The following LCMT1 variants were observed in gnomAD, a reference collection of about 807,000 sequenced individuals.
The protein encoded by LCMT1 is leucine carboxyl methyltransferase 1, also known as [Phosphatase 2A protein]-leucine-carboxy methyltransferase 1.
In LCMT1, 32 loss-of-function variants were observed where a neutral mutation model predicts 47.7. That is an observed-to-expected ratio of 0.67 (90% CI 0.51 to 0.90). LCMT1 has a LOEUF of 0.90. Among genes scored for constraint, LCMT1 ranks in the 40% least tolerant of loss-of-function variants. LCMT1 has a pLI of 0.00. For missense variants in LCMT1, 375 were observed against 415.2 expected, an observed-to-expected ratio of 0.90 and a Z score of 0.84; for synonymous variants, 152 against 149.7, an observed-to-expected ratio of 1.02 and a Z score of -0.11.
At chr16:25,169,423 A>C in intron 8 of LCMT1, 1 of 460,976 alleles carries the variant, frequency 2.2e-6, no homozygotes, top group Non-Finnish European at 3.9e-6. Flanking sequence ...TATTATTTTG[A>C]CTTTGTATTA....
At chr16:25,133,588 G>A (rs534797219) in intron 3 of LCMT1, among the ~76,000 whole-genome samples, 4 of 150,506 alleles carry the variant, frequency 2.7e-5, no homozygotes, top group Admixed American at 2.6e-4. Flanking sequence ...TAGTAGAGAC[G>A]GGGTTTCACC....
At chr16:25,120,630 A>G (rs907144462) in intron 1 of LCMT1, among the ~76,000 whole-genome samples, 20 of 151,062 alleles carry the variant, frequency 1.3e-4, no homozygotes, top group African/African-American at 4.6e-4. Flanking sequence ...GGGTTTCACC[A>G]TGTAGCCAGT....
At chr16:25,131,033 C>T (rs1333844048) in intron 2 of LCMT1, among the ~76,000 whole-genome samples, 1 of 152,200 alleles carries the variant, frequency 6.6e-6, no homozygotes, top group Admixed American at 6.5e-5. Flanking sequence ...CACTATTAGG[C>T]TCTGCAGATA....
Position 25,111,758 on chromosome 16 carries a change from A to C in LCMT1, c.-126A>C, listed in dbSNP as rs1036260975. 10 of 648,062 alleles carry C rather than the reference A, an allele frequency of 1.5e-5. No homozygotes were observed. The highest frequency in any genetic ancestry group is 2.5e-5 in the Non-Finnish European group (9 of 362,110). The allele number at this position is 648,062 out of a possible 1,614,324, so 40.1% of individuals were successfully genotyped here. A position where few individuals can be genotyped will look rare whatever the true frequency, so the allele number is the denominator to read the frequency against. ...GTGGGCGGCGTCACTGAGCCGCGCC[A>C]GCTGAGCCAGGTAGGGCCCTACCCT... On this transcript the variant is annotated 5_prime_UTR_variant, in exon 1 of 11. Coordinates refer to ENST00000399069, the MANE Select transcript of LCMT1 (RefSeq NM_016309.3).
At chr16:25,177,005 T>A (rs1597612007) in intron 10 of LCMT1, among the ~76,000 whole-genome samples, 1 of 151,534 alleles carries the variant, frequency 6.6e-6, no homozygotes, top group Non-Finnish European at 1.5e-5. Flanking sequence ...CATGGTGAAA[T>A]CCCGTCTCTA....
At chr16:25,156,469 AAG>A (rs1961259167) in intron 5 of LCMT1, among the ~76,000 whole-genome samples, 1 of 152,214 alleles carries the variant, frequency 6.6e-6, no homozygotes, top group African/African-American at 2.4e-5. Flanking sequence ...ATTAGGCAGA[AAG>A]AGAAAAGAAC....
At chr16:25,172,300 C>A (rs1021587922) in intron 9 of LCMT1, among the ~76,000 whole-genome samples, 2 of 143,918 alleles carry the variant, frequency 1.4e-5, no homozygotes, top group Admixed American at 1.4e-4. Context: ...AAGAGCGAAA[C>A]TCTGTCTCAA....
chr16:25,134,445 G>A (rs76245709), intron 3 of LCMT1, among the ~76,000 whole-genome samples: 9,200 of 152,268 alleles, frequency 0.06, 412 homozygotes, highest in Non-Finnish European at 0.096. Flanking sequence ...TGTCTTCCAG[G>A]ATCCTGCAGC....
At chr16:25,149,725 G>C (rs566986048) in intron 4 of LCMT1, among the ~76,000 whole-genome samples, 2 of 152,138 alleles carry the variant, frequency 1.3e-5, no homozygotes, top group South Asian at 4.1e-4. Context: ...ACCAGCCCAG[G>C]CAACATGGTG....
chr16:25,149,555 A>G (rs1414640271), intron 4 of LCMT1, among the ~76,000 whole-genome samples: 1 of 152,180 alleles, frequency 6.6e-6, no homozygotes, highest in Non-Finnish European at 1.5e-5. Context: ...AAGTGACCCC[A>G]TATTTTCATA....
chr16:25,174,968 G>T lies in LCMT1; in HGVS notation c.916G>T (p.Glu306Ter), dbSNP rs767157431. Residue 306 changes from glutamate (E) to a stop codon, truncating the protein, a stop_gained, in exon 10 of 11, where the codon GAG (glutamate) becomes TAG (stop). Transcript: ENST00000399069. LOFTEE classifies it high-confidence loss of function. Reference protein sequence around the residue: ...IESLEFLDEMELLEQLMRHYC... With the variant: ...IESLEFLDEM ...ATCACTTGAATTCCTGGATGAAATG[G>T]AGCTGCTGGAGCAGCTCATGCGGCA... The T allele has an allele frequency of 5.0e-6, 8 of 1,607,834 alleles. No individual in the cohort carries two copies. Among genetic ancestry groups the T allele is most frequent in the Non-Finnish European group, 6.8e-6 (8 of 1,175,572 alleles).
At position 25,177,938 on chromosome 16, in the gene LCMT1, C is replaced by G; in HGVS notation, c.983-63C>G. On this transcript the variant is annotated intron_variant, in intron 10 of 10. Coordinates refer to ENST00000399069, the MANE Select transcript of LCMT1 (RefSeq NM_016309.3). ...CCCTGAGCCGGTCACTGGGGGTCCT[C>G]TAGGGGCCTCTGCTCCTGGCCACCA... The G allele has an allele frequency of 5.3e-6, 8 of 1,509,252 alleles. No individual in the cohort carries two copies. The South Asian group carries it at 9.0e-5, about 17-fold the overall frequency. The allele number at this position is 1,509,252 out of a possible 1,614,324, so 93.5% of individuals were successfully genotyped here.
chr16:25,114,461 C>T lies in LCMT1; in HGVS notation c.113+2465C>T, dbSNP rs73561381. 8.7e-3 allele frequency among the ~76,000 whole-genome samples: 1,329 copies of T among 152,276 alleles called. 25 individuals are homozygous for T. Among genetic ancestry groups the T allele is most frequent in the African/African-American group, 0.031 (1,274 of 41,530 alleles). On this transcript the variant is annotated intron_variant, in intron 1 of 10. Transcript: ENST00000399069. The stretch of plus-strand genomic sequence containing the variant: ...GTTGGATATATTAGGTTTACACTAA[C>T]TCCATTTGACTCAATAGGTATCAAT...
intron 4 of LCMT1, chr16:25,140,825 T>C (rs560603388): frequency 1.3e-5 from 2 of 152,700 alleles, no homozygotes; most frequent in South Asian, 2.1e-4. Flanking sequence ...AACCTTGGTT[T>C]CATAGTTAGA....
intron 10 of LCMT1, among the ~76,000 whole-genome samples, chr16:25,177,184 A>G (rs1310908880): frequency 6.7e-6 from 1 of 149,402 alleles, no homozygotes; most frequent in Non-Finnish European, 1.5e-5. Flanking sequence ...TGTCTCCAGA[A>G]AAAAAAAAAA....
rs751619432 is a variant in LCMT1 at position 25,170,725 on chromosome 16, C to G, written c.804C>G (p.Leu268=). 4 of 1,613,216 alleles carry G rather than the reference C, an allele frequency of 2.5e-6. No homozygotes were observed. In the East Asian group the frequency reaches 8.9e-5, roughly 36 times the overall value. The change falls in exon 9 of 11, where the codon CTC becomes CTG. Residue 268 remains leucine, a synonymous_variant. Transcript: ENST00000399069. ...CKSLESQKER[L]LSNGWETASA... Reference sequence around the variant, plus strand: ...GTTGCACATTTTAGAAAGAACGGCTCCTGTCGAATGGGTGGGAAACAGCAT... The same window carrying G: ...GTTGCACATTTTAGAAAGAACGGCTGCTGTCGAATGGGTGGGAAACAGCAT...
At chr16:25,166,239 C>A (rs796243726) in intron 7 of LCMT1, among the ~76,000 whole-genome samples, 3 of 146,082 alleles carry the variant, frequency 2.1e-5, no homozygotes, top group Non-Finnish European at 4.5e-5. Flanking sequence ...CACTACACTC[C>A]AGCCTGAGTG....
rs183453375 is a variant in LCMT1, at chr16:25,119,713, C to T, written c.113+7717C>T. ...CTCACGGCTTAGCCCAGGGCCTTTC[C>T]GGCATCCTGATGACATCTTCTTAGC... On this transcript the variant is annotated intron_variant, in intron 1 of 10. Coordinates refer to ENST00000399069, the MANE Select transcript of LCMT1 (RefSeq NM_016309.3). Among the ~76,000 whole-genome samples, 48 of 152,182 alleles carry T rather than the reference C, an allele frequency of 3.2e-4. 1 individual carries two copies. In the East Asian group the frequency reaches 6.2e-3, roughly 20 times the overall value.
chr16:25,174,104 G>T (rs1453130492), intron 9 of LCMT1, among the ~76,000 whole-genome samples: 1 of 152,002 alleles, frequency 6.6e-6, no homozygotes, highest in African/African-American at 2.4e-5. Flanking sequence ...TAGAGATGGG[G>T]TTTCACCATG....
Sources: gnomAD v4.1 joint callset for allele counts (sites outside exome capture counted in the v4.1 genomes callset) on GRCh38, gnomAD v4.1.1 for gene constraint, MANE v1.5 for transcripts, NCBI Gene and HGNC (gene_info 2026-07-23, HGNC 2026-07-21) for gene names.